Variants in MYH11 observed in about 807,000 individuals in gnomAD.
The protein encoded by MYH11 is myosin-11.
MYH11 carries 80 observed loss-of-function variants against 246.6 expected under a neutral mutation model. That is an observed-to-expected ratio of 0.32 (90% CI 0.27 to 0.39). The LOEUF is 0.39. MYH11 is among the 10% of genes least tolerant of loss of function. The pLI, the probability that MYH11 is intolerant of heterozygous loss-of-function variation, is 1.00. For missense variants in MYH11, 2,158 were observed against 2,546.8 expected, an observed-to-expected ratio of 0.85 and a Z score of 3.29; for synonymous variants, 1,071 against 1,015.5, an observed-to-expected ratio of 1.05 and a Z score of -1.04.
intron 7 of MYH11, among the ~76,000 whole-genome samples, chr16:15,777,451 G>C (rs1280414175): frequency 6.6e-6 from 1 of 152,152 alleles, no homozygotes; most frequent in East Asian, 1.9e-4. Context: ...GCTCCCAAGT[G>C]ATGCTGATGC....
rs2272556 is a variant in MYH11 at position 15,735,679 on chromosome 16, G to C, written c.3294-101C>G. On this transcript the variant is annotated intron_variant, in intron 25 of 40. Coordinates refer to ENST00000300036, the MANE Select transcript of MYH11 (RefSeq NM_002474.3). ...TCTGGGACCAGACAGTTATGTTGCA[G>C]AGACATCAAACACCTTCTATCCATG... is the stretch of plus-strand genomic sequence containing the variant. 0.015 allele frequency: 17,507 copies of C among 1,139,660 alleles called. 545 individuals are homozygous for C. The highest frequency in any genetic ancestry group is 0.13 in the East Asian group (5,438 of 41,608). The allele number at this position is 1,139,660 out of a possible 1,614,324, so 70.6% of individuals were successfully genotyped here.
chr16:15,708,925 A>G (rs1448914001), intron 40 of MYH11: 1 of 1,325,050 alleles, frequency 7.5e-7, no homozygotes, highest in African/African-American at 1.5e-5. Context: ...TGTTAAAGAC[A>G]TTTGCTTCGA....
rs2043956148 is a variant in MYH11 at position 15,838,185 on chromosome 16, CTGT to C, written c.65_67del (p.Asn22del). ...GGCCCAGTCAGCCTGGGCCACTGGG[CTGT>C]TGATGAAGTTTTTGTCCACAAAGAG... On this transcript the variant is annotated inframe_deletion, in exon 2 of 41. Coordinates refer to ENST00000300036, the MANE Select transcript of MYH11 (RefSeq NM_002474.3). 3.1e-6 allele frequency: 5 copies of C among 1,614,136 alleles called. No homozygotes were observed. The highest frequency in any genetic ancestry group is 4.2e-6 in the Non-Finnish European group (5 of 1,180,014).
Position 15,718,416 on chromosome 16 carries a change from G to A in MYH11, c.5194C>T (p.Arg1732Cys), listed in dbSNP as rs762659627. 5.1e-6 allele frequency: 8 copies of A among 1,582,290 alleles called. No individual in the cohort carries two copies. The highest frequency in any genetic ancestry group is 2.3e-5 in the East Asian group (1 of 44,142). ...SGRNALQDEK[R>C]RLEARIAQLE... ...TGGGCGATCCGGGCCTCCAGGCGGCGCTTCTCGTCCTGGAGTGCGTTCCTG... is the reference window on the plus strand; with the variant it reads ...TGGGCGATCCGGGCCTCCAGGCGGCACTTCTCGTCCTGGAGTGCGTTCCTG... The change falls in exon 37 of 41, where the codon CGC becomes TGC. Residue 1732 changes from arginine to cysteine, a missense_variant. Around this residue, in one of 11 missense-constraint regions of MYH11, gnomAD observed 1,013 missense variants for 993.5 expected, o/e 1.02. Coordinates refer to ENST00000300036, the MANE Select transcript of MYH11 (RefSeq NM_002474.3).
At position 15,726,866 on chromosome 16, in the gene MYH11, G is replaced by A. The variant is rs1279730451; in HGVS notation, c.3840C>T (p.Asp1280=). 7 of 1,612,024 alleles carry A rather than the reference G, an allele frequency of 4.3e-6. No individual in the cohort carries two copies. Among genetic ancestry groups the A allele is most frequent in the East Asian group, 2.2e-5 (1 of 44,848 alleles). ...TCCTCACCTGCAGCTTGTGGACTTT[G>A]TCATTGAGCTCCGCCCGGGCCCGCT... ...DGERARAELN[D]KVHKLQNEVE... The change falls in exon 28 of 41, where the codon GAC becomes GAT. Residue 1280 remains aspartate (D), a synonymous_variant. Coordinates refer to ENST00000300036, the MANE Select transcript of MYH11 (RefSeq NM_002474.3).
chr16:15,763,421 C>T (rs1306933322), intron 10 of MYH11, among the ~76,000 whole-genome samples: 1 of 152,120 alleles, frequency 6.6e-6, no homozygotes, highest in African/African-American at 2.4e-5. Flanking sequence ...GACGTGATGA[C>T]TCTTGCCTGT....
At chr16:15,808,528 A>C (rs2043066101) in intron 3 of MYH11, among the ~76,000 whole-genome samples, 1 of 152,188 alleles carries the variant, frequency 6.6e-6, no homozygotes, top group Non-Finnish European at 1.5e-5. Context: ...ATGCTGAGTA[A>C]GAAGAGATAC....
At chr16:15,832,948 T>G (rs1209211826) in intron 2 of MYH11, among the ~76,000 whole-genome samples, 19 of 8,804 alleles carry the variant, frequency 2.2e-3, no homozygotes, top group African/African-American at 0.016. Flanking sequence ...CTCATCTTTT[T>G]TTTTTTTTTT....
intron 26 of MYH11, among the ~76,000 whole-genome samples, chr16:15,734,085 T>G (rs181945349): frequency 6.6e-6 from 1 of 152,372 alleles, no homozygotes; most frequent in East Asian, 1.9e-4. Context: ...GAGTCAGGAT[T>G]CGTGATCTGG....
chr16:15,714,758 A>T, intron 40 of MYH11, 151 bp downstream of exon 40: 1 of 1,021,740 alleles, frequency 9.8e-7, no homozygotes, highest in Non-Finnish European at 1.5e-6. Context: ...GCCCACACTA[A>T]GCTTAGTGAT....
In MYH11 at chr16:15,771,720, G is replaced by C. The variant is rs754366330; in HGVS notation, c.890-8C>G. On this transcript the variant is annotated splice_region_variant and splice_polypyrimidine_tract_variant and intron_variant, in intron 8 of 40. Coordinates refer to ENST00000300036, the MANE Select transcript of MYH11 (RefSeq NM_002474.3). ...CCTCCAAAAGCAAGTCACCTAGAAG[G>C]AGAGGAAGACAGGTCAGGGTCAATA... is the stretch of plus-strand genomic sequence containing the variant. The C allele has an allele frequency of 5.0e-6, 8 of 1,614,126 alleles. No homozygotes were observed. The South Asian group carries it at 8.8e-5, about 18-fold the overall frequency.
At chr16:15,797,793 C>G (rs1469455973) in intron 4 of MYH11, among the ~76,000 whole-genome samples, 1 of 152,076 alleles carries the variant, frequency 6.6e-6, no homozygotes, top group Non-Finnish European at 1.5e-5. Flanking sequence ...GGGGAATGCT[C>G]TACCTTCTAG....
chr16:15,774,108 A>T (rs998180880), intron 8 of MYH11, among the ~76,000 whole-genome samples: 4 of 152,224 alleles, frequency 2.6e-5, no homozygotes, highest in Non-Finnish European at 4.4e-5. Flanking sequence ...AAGCTGCTTG[A>T]TAAACTCGAG....
At chr16:15,815,480 C>T (rs2043241888) in intron 3 of MYH11, among the ~76,000 whole-genome samples, 2 of 151,874 alleles carry the variant, frequency 1.3e-5, no homozygotes, top group Admixed American at 1.3e-4. Flanking sequence ...CAGAAAATAC[C>T]ATTAAAAACA....
At position 15,737,537 on chromosome 16, in the gene MYH11, C is replaced by T. The variant is rs1430685942; in HGVS notation, c.3205G>A (p.Glu1069Lys). ...KLEGDASDFH[E>K]QIADLQAQIA... is the part of the protein sequence containing the mutation. ...TGCGCCTGGAGGTCAGCGATCTGCT[C>T]GTGGAAGTCGCTGGCATCACCCTCC... The change falls in exon 25 of 41, where the codon GAG (glutamate) becomes AAG (lysine). Residue 1069 changes from glutamate (E) to lysine (K), a missense_variant. Physicochemically the swap from Glu to Lys is moderately conservative, Grantham distance 56 (BLOSUM62 1). Around this residue, in one of 11 missense-constraint regions of MYH11, gnomAD observed 284 missense variants for 315.4 expected, o/e 0.90. Transcript: ENST00000300036. 1.2e-6 allele frequency: 2 copies of T among 1,614,018 alleles called. No individual in the cohort carries two copies. Among genetic ancestry groups the T allele is most frequent in the East Asian group, 2.2e-5 (1 of 44,868 alleles).
At chr16:15,776,009 C>A in intron 8 of MYH11, 69 bp downstream of exon 8, 2 of 1,195,228 alleles carry the variant, frequency 1.7e-6, no homozygotes, top group Non-Finnish European at 2.5e-6. Context: ...TAGCCAATCC[C>A]TTAACCCCGG....
At chr16:15,728,971 A>G (rs2040879643) in intron 27 of MYH11, among the ~76,000 whole-genome samples, 4 of 152,070 alleles carry the variant, frequency 2.6e-5, no homozygotes, top group African/African-American at 7.2e-5. Flanking sequence ...AGAAGGGGAA[A>G]GAGAAGCGCA....
chr16:15,853,443 T>C (rs2044380242), intron 1 of MYH11, among the ~76,000 whole-genome samples: 1 of 152,144 alleles, frequency 6.6e-6, no homozygotes, highest in Non-Finnish European at 1.5e-5. Context: ...TGACCTGCCA[T>C]ACCTGGCCTC....
chr16:15,803,001 G>A (rs2042922325), intron 3 of MYH11, among the ~76,000 whole-genome samples: 1 of 151,830 alleles, frequency 6.6e-6, no homozygotes, highest in Non-Finnish European at 1.5e-5. Flanking sequence ...GCCAGGCATG[G>A]CGGCAGGCAC....
Sources: gnomAD v4.1 joint callset for allele counts (sites outside exome capture counted in the v4.1 genomes callset) on GRCh38, gnomAD v4.1.1 for gene constraint, gnomAD v4.1.1 regional missense constraint, MANE v1.5 for transcripts, NCBI Gene and HGNC (gene_info 2026-07-23, HGNC 2026-07-21) for gene names.